AIG1: variants seen among roughly 807,000 people sequenced by gnomAD.
AIG1 encodes androgen-induced gene 1 protein.
A neutral mutation model predicts 31.4 loss-of-function variants in AIG1; 23 were observed. That is an observed-to-expected ratio of 0.73 (90% CI 0.53 to 1.04). AIG1 has a LOEUF of 1.04. Ranked by LOEUF, AIG1 falls within the 50% of genes least tolerant of loss-of-function variation. AIG1 has a pLI of 0.00. For synonymous variants in AIG1, 100 were observed against 110.5 expected (o/e 0.90, Z 0.60); for missense variants, 274 against 295.0 (o/e 0.93, Z 0.52).
intron 3 of AIG1, among the ~76,000 whole-genome samples, chr6:143,249,412 A>G (rs1794847387): frequency 6.6e-6 from 1 of 152,210 alleles, no homozygotes; most frequent in African/African-American, 2.4e-5. Flanking sequence ...TTATGAACCT[A>G]GTAGGGGGAT....
At chr6:143,212,788 TTCC>T (rs1791690860) in intron 3 of AIG1, among the ~76,000 whole-genome samples, 1 of 152,132 alleles carries the variant, frequency 6.6e-6, no homozygotes, top group African/African-American at 2.4e-5. Flanking sequence ...TAGGAGCCTT[TTCC>T]TCCTATCAAG....
chr6:143,162,998 A>G (rs1786547002), intron 2 of AIG1, among the ~76,000 whole-genome samples: 1 of 152,182 alleles, frequency 6.6e-6, no homozygotes, highest in Non-Finnish European at 1.5e-5. Flanking sequence ...CCCCAAGCAG[A>G]ACATCTCAAA....
chr6:143,273,993 G>A (rs553840825), intron 3 of AIG1, among the ~76,000 whole-genome samples: 23 of 152,300 alleles, frequency 1.5e-4, no homozygotes, highest in South Asian at 1.2e-3. Flanking sequence ...ACAGCTTGGA[G>A]TTACTCTCCC....
At position 143,120,055 on chromosome 6, in the gene AIG1, G is replaced by A. The variant is rs182132059; in HGVS notation, c.142-16780G>A. Among the ~76,000 whole-genome samples the A allele has an allele frequency of 4.6e-5, 7 of 152,124 alleles. No homozygotes were observed. The East Asian group carries it at 7.8e-4, about 17-fold the overall frequency. ...AGCAATTCTCCTGCCTCAGCCTCCC[G>A]AGTAGCTGGGATTGCAGGCATGTGC... On this transcript the variant is annotated intron_variant, in intron 1 of 5. Transcript: ENST00000357847.
Position 143,323,897 on chromosome 6 carries a change from G to A in AIG1, c.516-9385G>A, listed in dbSNP as rs571273554. ...GCAGTCTCCATGCAATCAATACTCA[G>A]GCAATGGTCCAAGGGACCTTTAGAA... On this transcript the variant is annotated intron_variant, in intron 4 of 5. Transcript: ENST00000357847. 1.1e-3 allele frequency among the ~76,000 whole-genome samples: 167 copies of A among 152,312 alleles called. 1 individual carries two copies. The highest frequency in any genetic ancestry group is 2.0e-3 in the Non-Finnish European group (136 of 68,032).
At chr6:143,307,182 A>T (rs1233026105) in intron 4 of AIG1, among the ~76,000 whole-genome samples, 1 of 152,118 alleles carries the variant, frequency 6.6e-6, no homozygotes, top group African/African-American at 2.4e-5. Context: ...TGATTGTCTG[A>T]AGCCTTCTTC....
At chr6:143,139,614 A>G (rs914279517) in intron 2 of AIG1, among the ~76,000 whole-genome samples, 1 of 151,836 alleles carries the variant, frequency 6.6e-6, no homozygotes, top group East Asian at 1.9e-4. Flanking sequence ...CATAGTTACT[A>G]GTCTATTATT....
chr6:143,239,891 C>T (rs1366199574), intron 3 of AIG1, among the ~76,000 whole-genome samples: 1 of 152,188 alleles, frequency 6.6e-6, no homozygotes, highest in Non-Finnish European at 1.5e-5. Context: ...CTGACTGGAA[C>T]TTGTGAAATG....
chr6:143,186,887 C>T lies in AIG1; in HGVS notation c.399+21704C>T, dbSNP rs151280437. The T allele has an allele frequency of 9.3e-3, 1,515 of 162,502 alleles. 21 individuals are homozygous for T. Among genetic ancestry groups the T allele is most frequent in the African/African-American group, 0.034 (1,430 of 41,598 alleles). 10.1% of individuals were successfully genotyped at this position (162,502 alleles called of 1,614,324 possible). ...TGTACTGAGCTCTACTCATAGGAAACGTGGAGCTTGTTGTGGGATTCACAA... is the reference window on the plus strand; with the variant it reads ...TGTACTGAGCTCTACTCATAGGAAATGTGGAGCTTGTTGTGGGATTCACAA... On this transcript the variant is annotated intron_variant, in intron 3 of 5. Coordinates refer to ENST00000357847, the MANE Select transcript of AIG1 (RefSeq NM_016108.4).
At chr6:143,305,568 G>C (rs909255368) in intron 4 of AIG1, among the ~76,000 whole-genome samples, 5 of 152,164 alleles carry the variant, frequency 3.3e-5, no homozygotes, top group African/African-American at 4.8e-5. Flanking sequence ...GTTCTAGTTT[G>C]ATTGCACTGT....
At chr6:143,134,550 A>G (rs1163657775) in intron 1 of AIG1, among the ~76,000 whole-genome samples, 1 of 151,996 alleles carries the variant, frequency 6.6e-6, no homozygotes, top group Non-Finnish European at 1.5e-5. Context: ...TGAACACTCA[A>G]ATTAACCTTT....
intron 3 of AIG1, among the ~76,000 whole-genome samples, chr6:143,176,687 G>A (rs924483588): frequency 3.3e-5 from 5 of 152,222 alleles, no homozygotes; most frequent in Non-Finnish European, 1.5e-5. Context: ...ATGAAAAGCT[G>A]GTCTCGCTCC....
chr6:143,156,006 T>C (rs921253781), intron 2 of AIG1, among the ~76,000 whole-genome samples: 2 of 152,114 alleles, frequency 1.3e-5, no homozygotes, highest in African/African-American at 4.8e-5. Context: ...ATAGGGACAT[T>C]AGAGCCTGAA....
At chr6:143,166,222 T>C (rs1335787138) in intron 3 of AIG1, among the ~76,000 whole-genome samples, 1 of 152,184 alleles carries the variant, frequency 6.6e-6, no homozygotes, top group Non-Finnish European at 1.5e-5. Flanking sequence ...TTTTTTTTAG[T>C]TCAATTAGAG....
At chr6:143,226,246 A>G (rs2014922) in intron 3 of AIG1, among the ~76,000 whole-genome samples, 1 of 142,016 alleles carries the variant, frequency 7.0e-6, no homozygotes, top group Non-Finnish European at 1.6e-5. Context: ...ATATATATAT[A>G]TTTTTTTTTT....
At chr6:143,210,119 T>C (rs767548829) in intron 3 of AIG1, among the ~76,000 whole-genome samples, 25 of 152,202 alleles carry the variant, frequency 1.6e-4, no homozygotes, top group Admixed American at 1.4e-3. Context: ...GTGAGTTCTT[T>C]TGAGATCTGA....
intron 3 of AIG1, among the ~76,000 whole-genome samples, chr6:143,276,229 G>A (rs1002001593): frequency 1.3e-4 from 20 of 152,208 alleles, no homozygotes; most frequent in African/African-American, 4.8e-4. Context: ...TTAATTAAGT[G>A]TGCAACACTA....
At chr6:143,178,154 C>T (rs1256035627) in intron 3 of AIG1, among the ~76,000 whole-genome samples, 1 of 152,186 alleles carries the variant, frequency 6.6e-6, no homozygotes, top group Non-Finnish European at 1.5e-5. Context: ...CTGTATTAGA[C>T]TGCCTGTTTT....
chr6:143,214,839 A>G (rs1425879104), intron 3 of AIG1, among the ~76,000 whole-genome samples: 1 of 152,050 alleles, frequency 6.6e-6, no homozygotes, highest in Non-Finnish European at 1.5e-5. Context: ...CTGCTCCCTC[A>G]TATTGGAATA....
Sources: gnomAD v4.1 joint callset for allele counts (sites outside exome capture counted in the v4.1 genomes callset) on GRCh38, gnomAD v4.1.1 for gene constraint, MANE v1.5 for transcripts, NCBI Gene and HGNC (gene_info 2026-07-23, HGNC 2026-07-21) for gene names.